SLC24A2: variants seen among roughly 807,000 people sequenced by gnomAD.
SLC24A2 encodes sodium/potassium/calcium exchanger 2.
Under a neutral mutation model 62.0 loss-of-function variants are expected in SLC24A2, and 36 were observed. The observed-to-expected ratio is 0.58, with a 90% CI of 0.44 to 0.77. The LOEUF (loss-of-function observed/expected upper bound fraction) is 0.77, where lower values mean the gene tolerates loss of function less well. Among genes scored for constraint, SLC24A2 ranks in the 30% least tolerant of loss-of-function variants. The pLI is 0.00. For missense variants in SLC24A2, 846 were observed against 817.9 expected (o/e 1.03, Z -0.42); for synonymous variants, 358 against 294.0 (o/e 1.22, Z -2.23).
the SLC24A2 span, among the ~76,000 whole-genome samples, chr9:20,145,877 TATAG>T: frequency 6.6e-6 from 1 of 151,934 alleles, no homozygotes; most frequent in African/African-American, 2.4e-5. Flanking sequence ...CTGCTATATA[TATAG>T]ATATAAAATT....
At chr9:20,147,134 T>C in the SLC24A2 span, among the ~76,000 whole-genome samples, 1 of 152,164 alleles carries the variant, frequency 6.6e-6, no homozygotes, top group South Asian at 2.1e-4. Flanking sequence ...AACAGAGAAA[T>C]GCCTGATCAC....
chr9:20,000,281 C>G, the SLC24A2 span, among the ~76,000 whole-genome samples: 2 of 152,074 alleles, frequency 1.3e-5, no homozygotes, highest in African/African-American at 4.8e-5. Context: ...CATAACAGTT[C>G]CCTATTTTAT....
the SLC24A2 span, among the ~76,000 whole-genome samples, chr9:20,188,028 C>G: frequency 6.6e-6 from 1 of 152,242 alleles, no homozygotes; most frequent in African/African-American, 2.4e-5. Flanking sequence ...CTTGGCACAT[C>G]ATAGGGCTGA....
the SLC24A2 span, among the ~76,000 whole-genome samples, chr9:19,845,363 T>A: frequency 2.0e-5 from 3 of 152,310 alleles, no homozygotes; most frequent in African/African-American, 7.2e-5. Flanking sequence ...GTACATTAAT[T>A]TTGTATCCTG....
At chr9:19,831,210 T>A in the SLC24A2 span, among the ~76,000 whole-genome samples, 1 of 152,166 alleles carries the variant, frequency 6.6e-6, no homozygotes, top group Non-Finnish European at 1.5e-5. Context: ...ACATCATCAT[T>A]CCAAGCATAG....
the SLC24A2 span, among the ~76,000 whole-genome samples, chr9:20,054,150 A>G: frequency 2.0e-5 from 3 of 151,760 alleles, no homozygotes; most frequent in South Asian, 2.1e-4. Flanking sequence ...GGTGATTTCT[A>G]GTTTTCTTTT....
chr9:19,748,181 G>C (rs1247152139), intron 2 of SLC24A2, among the ~76,000 whole-genome samples: 1 of 152,116 alleles, frequency 6.6e-6, no homozygotes, highest in Non-Finnish European at 1.5e-5. Context: ...CATTTGTTCT[G>C]GGCAGGGGCT....
At chr9:19,960,040 G>A in the SLC24A2 span, among the ~76,000 whole-genome samples, 1 of 152,132 alleles carries the variant, frequency 6.6e-6, no homozygotes, top group South Asian at 2.1e-4. Context: ...TTTCTAAATT[G>A]CAAAGGCCTG....
chr9:20,282,280 A>AT, the SLC24A2 span, among the ~76,000 whole-genome samples: 1 of 152,190 alleles, frequency 6.6e-6, no homozygotes. Context: ...CAAAAGAAAT[A>AT]AGTTGAAATT....
At chr9:20,267,993 T>A in the SLC24A2 span, among the ~76,000 whole-genome samples, 322 of 152,248 alleles carry the variant, frequency 2.1e-3, 2 homozygotes, top group African/African-American at 7.4e-3. Context: ...CTTTTCTTCC[T>A]CCACCGTGAT....
intron 2 of SLC24A2, among the ~76,000 whole-genome samples, chr9:19,690,135 T>C (rs35983668): frequency 0.19 from 28,825 of 151,976 alleles, 2,894 homozygotes; most frequent in Middle Eastern, 0.24. Context: ...TAATATCTTA[T>C]AGTAAATCTC....
At chr9:19,671,545 T>A (rs553526237) in intron 2 of SLC24A2, among the ~76,000 whole-genome samples, 53 of 152,314 alleles carry the variant, frequency 3.5e-4, no homozygotes, top group African/African-American at 1.2e-3. Flanking sequence ...ATGCCCTTTA[T>A]TTCTTTCTCT....
chr9:20,083,216 A>C, the SLC24A2 span, among the ~76,000 whole-genome samples: 1 of 152,250 alleles, frequency 6.6e-6, no homozygotes, highest in Non-Finnish European at 1.5e-5. Context: ...GTGCATTGCC[A>C]ATACCTTTCA....
the SLC24A2 span, among the ~76,000 whole-genome samples, chr9:19,851,023 AC>A: frequency 1.4e-4 from 8 of 55,614 alleles, 1 homozygote; most frequent in African/African-American, 6.2e-4. Context: ...ATATATATAT[AC>A]ATATTTTTTT....
chr9:20,131,833 C>G, the SLC24A2 span, among the ~76,000 whole-genome samples: 1 of 152,086 alleles, frequency 6.6e-6, no homozygotes, highest in African/African-American at 2.4e-5. Flanking sequence ...AATGAACACA[C>G]AGGTTTAGTG....
At chr9:20,290,112 C>A in the SLC24A2 span, among the ~76,000 whole-genome samples, 2 of 152,160 alleles carry the variant, frequency 1.3e-5, no homozygotes, top group African/African-American at 4.8e-5. Flanking sequence ...CCACCACTTC[C>A]CCAGCTCGGC....
the SLC24A2 span, among the ~76,000 whole-genome samples, chr9:19,992,415 G>A: frequency 6.6e-6 from 1 of 152,202 alleles, no homozygotes; most frequent in Non-Finnish European, 1.5e-5. Context: ...TGCATCATGA[G>A]TTGAAAATGC....
the SLC24A2 span, among the ~76,000 whole-genome samples, chr9:20,258,831 ATCTG>A: frequency 0.15 from 18,866 of 128,786 alleles, 1,473 homozygotes; most frequent in South Asian, 0.21. Flanking sequence ...CTATCTATCT[ATCTG>A]TCTATCTATC....
rs112874540 is a variant in SLC24A2, at chr9:19,688,124, G to C, written c.931-65825C>G. 1.6e-3 allele frequency among the ~76,000 whole-genome samples: 241 copies of C among 152,230 alleles called. 1 individual carries two copies. Among genetic ancestry groups the C allele is most frequent in the African/African-American group, 5.7e-3 (237 of 41,544 alleles). ...AATCAATTTGTTCAGCTTGTAGCTT[G>C]TATAAATCTTGAAGTAAGGTGCTAT... is the stretch of plus-strand genomic sequence containing the variant. On this transcript the variant is annotated intron_variant, in intron 2 of 10. Coordinates refer to ENST00000341998, the MANE Select transcript of SLC24A2 (RefSeq NM_020344.4).
Sources: allele counts gnomAD v4.1 joint callset (sites outside exome capture counted in the v4.1 genomes callset), GRCh38; gene constraint gnomAD v4.1.1; transcripts MANE v1.5; gene names NCBI Gene and HGNC (gene_info 2026-07-23, HGNC 2026-07-21).